The following GXYLT1 variants were observed in gnomAD, a reference collection of about 807,000 sequenced individuals.
GXYLT1 encodes glycosyltransferase 8 domain containing 3.
Under a neutral mutation model 54.0 loss-of-function variants are expected in GXYLT1, and 29 were observed. The observed-to-expected ratio is 0.54, with a 90% CI of 0.40 to 0.73. The LOEUF is 0.73. Among genes scored for constraint, GXYLT1 ranks in the 30% least tolerant of loss-of-function variants. The probability of loss-of-function intolerance (pLI) is 0.00; values close to 1 mark genes in which losing one functional copy is unlikely to be tolerated. For synonymous variants in GXYLT1, 176 were observed against 204.1 expected (o/e 0.86, Z 1.17); for missense variants, 490 against 553.4 (o/e 0.89, Z 1.15).
rs749430331 is a variant in GXYLT1 at position 42,119,004 on chromosome 12, C to A, written c.482G>T (p.Gly161Val). 2.5e-6 allele frequency: 4 copies of A among 1,611,704 alleles called. No individual in the cohort carries two copies. Among genetic ancestry groups the A allele is most frequent in the Middle Eastern group, 1.6e-4 (1 of 6,070 alleles). Residue 161 changes from glycine to valine, a missense_variant, in exon 3 of 8, where the codon GGC (glycine) becomes GTC (valine). By Grantham distance (109) the Gly-to-Val change is moderately radical. Around this residue, in one of 2 missense-constraint regions of GXYLT1, gnomAD observed 342 missense variants for 342.6 expected, o/e 1.00. Coordinates refer to ENST00000398675, the MANE Select transcript of GXYLT1 (RefSeq NM_173601.2). ...GACTATGTCTCAAATACTTACTCTG[C>A]CTTTAAAGCTATGATGTAGCTGATC... is the stretch of plus-strand genomic sequence containing the variant. ...AEDQLHHSFK[G>V]RLDNWSFLQT... is the part of the protein sequence containing the mutation.
chr12:42,096,225 C>A (rs1191730972), intron 7 of GXYLT1, among the ~76,000 whole-genome samples: 1 of 152,096 alleles, frequency 6.6e-6, no homozygotes, highest in African/African-American at 2.4e-5. Flanking sequence ...GCAATGAGAC[C>A]CTGGTAGCAA....
At chr12:42,114,675 A>C (rs1303726665) in intron 3 of GXYLT1, among the ~76,000 whole-genome samples, 2 of 152,218 alleles carry the variant, frequency 1.3e-5, no homozygotes. Flanking sequence ...GACCAGATGG[A>C]TTCACAGCCG....
rs2065299563 is a variant in GXYLT1, at chr12:42,087,287, C to T, written c.*499G>A. On this transcript the variant is annotated 3_prime_UTR_variant, in exon 8 of 8. Transcript: ENST00000398675. The stretch of plus-strand genomic sequence containing the variant: ...CAGAGATGAAATGTATAAAGGCACA[C>T]ATAGATTGTCAATGGTTACATCAGT... 6.6e-6 allele frequency: 1 copy of T among 152,636 alleles called. No individual in the cohort carries two copies. Among genetic ancestry groups the T allele is most frequent in the Admixed American group, 6.5e-5 (1 of 15,286 alleles). 9.5% of individuals were successfully genotyped at this position (152,636 alleles called of 1,614,324 possible).
At chr12:42,093,973 T>TG (rs1160551890) in intron 7 of GXYLT1, among the ~76,000 whole-genome samples, 2 of 151,566 alleles carry the variant, frequency 1.3e-5, no homozygotes, top group Admixed American at 1.3e-4. Context: ...ATGTAATAAA[T>TG]GAAACAGCAT....
At position 42,109,550 on chromosome 12, in the gene GXYLT1, A is replaced by G; in HGVS notation, c.612+16T>C. 6.9e-7 allele frequency: 1 copy of G among 1,444,034 alleles called. No individual in the cohort carries two copies. The highest frequency in any genetic ancestry group is 1.5e-5 in the South Asian group (1 of 65,630). The allele number at this position is 1,444,034 out of a possible 1,614,324, so 89.5% of individuals were successfully genotyped here. ...AAAAAAAAAAAAAAAAAAAGACACT[A>G]GGGGAAAAAACTTACCGGCAAGAAC... On this transcript the variant is annotated intron_variant, in intron 4 of 7. Transcript: ENST00000398675.
intron 1 of GXYLT1, among the ~76,000 whole-genome samples, chr12:42,143,296 C>G (rs931380129): frequency 6.6e-6 from 1 of 152,162 alleles, no homozygotes; most frequent in Non-Finnish European, 1.5e-5. Flanking sequence ...TTTTCACGAG[C>G]TCATTCAAGT....
Position 42,144,732 on chromosome 12 carries a change from G to A in GXYLT1, c.-86C>T. ...GAGGGAGGGGCACCGCGCAGCCGCG[G>A]GCGCAACAAGTTCCTCACCCGCAGC... On this transcript the variant is annotated 5_prime_UTR_variant, in exon 1 of 8. Coordinates refer to ENST00000398675, the MANE Select transcript of GXYLT1 (RefSeq NM_173601.2). 32 of 1,081,008 alleles carry A rather than the reference G, an allele frequency of 3.0e-5. No homozygotes were observed. Among genetic ancestry groups the A allele is most frequent in the Non-Finnish European group, 3.7e-5 (31 of 832,110 alleles). The allele number at this position is 1,081,008 out of a possible 1,614,324, so 67.0% of individuals were successfully genotyped here.
chr12:42,105,715 T>A, intron 5 of GXYLT1, 103 bp downstream of exon 5: 1 of 750,786 alleles, frequency 1.3e-6, no homozygotes, highest in East Asian at 2.8e-5. Context: ...AATAGAAAAA[T>A]TATTTATAGT....
At chr12:42,088,008 C>A (rs2065307164) in intron 7 of GXYLT1, 61 bp from the exon 8 acceptor site, 1 of 752,540 alleles carries the variant, frequency 1.3e-6, no homozygotes, top group African/African-American at 1.8e-5. Flanking sequence ...TATGTAAGTT[C>A]AATTATTTTC....
At chr12:42,130,032 T>G (rs1348605976) in intron 1 of GXYLT1, among the ~76,000 whole-genome samples, 181 bp from the exon 2 acceptor site, 1 of 152,256 alleles carries the variant, frequency 6.6e-6, no homozygotes, top group Non-Finnish European at 1.5e-5. Context: ...GGCACCATTA[T>G]TTTAAATAGA....
chr12:42,112,331 ATCAAACTACT>A (rs1472946396), intron 3 of GXYLT1, among the ~76,000 whole-genome samples: 1 of 152,216 alleles, frequency 6.6e-6, no homozygotes, highest in Non-Finnish European at 1.5e-5. Flanking sequence ...GCTTCAGAAG[ATCAAACTACT>A]CCAAGCTACA....
chr12:42,133,008 C>T lies in GXYLT1; in HGVS notation c.222-3157G>A, dbSNP rs561937393. Among the ~76,000 whole-genome samples the T allele has an allele frequency of 1.1e-4, 17 of 152,160 alleles. No individual in the cohort carries two copies. The South Asian group carries it at 2.9e-3, about 26-fold the overall frequency. On this transcript the variant is annotated intron_variant, in intron 1 of 7. Coordinates refer to ENST00000398675, the MANE Select transcript of GXYLT1 (RefSeq NM_173601.2). Reference sequence around the variant, plus strand: ...CTATTAATAAGTAGGATCTGCTGCACGCAGTGGTTCATGCCTCTAATCCCA... The same window carrying T: ...CTATTAATAAGTAGGATCTGCTGCATGCAGTGGTTCATGCCTCTAATCCCA...
Position 42,085,516 on chromosome 12 carries a change from T to A in GXYLT1, c.*2270A>T, listed in dbSNP as rs1275069670. ...AAATGCTTCCTCTAATATTTCAAAA[T>A]CACATTTATAATCCACCAAACGTGC... On this transcript the variant is annotated 3_prime_UTR_variant, in exon 8 of 8. Transcript: ENST00000398675. 1 of 152,202 alleles carries A rather than the reference T, an allele frequency of 6.6e-6. No individual in the cohort carries two copies. The highest frequency in any genetic ancestry group is 2.4e-5 in the African/African-American group (1 of 41,456). The allele number at this position is 152,202 out of a possible 1,614,324, so 9.4% of individuals were successfully genotyped here.
intron 5 of GXYLT1, among the ~76,000 whole-genome samples, chr12:42,101,462 T>G (rs1170501792): frequency 2.0e-5 from 3 of 152,202 alleles, no homozygotes; most frequent in Non-Finnish European, 4.4e-5. Flanking sequence ...TGTGATTATG[T>G]GTAATGACAT....
chr12:42,118,251 A>T (rs1350669650), intron 3 of GXYLT1, among the ~76,000 whole-genome samples: 1 of 152,230 alleles, frequency 6.6e-6, no homozygotes, highest in Non-Finnish European at 1.5e-5. Context: ...CATATTATTA[A>T]TCAAGAATTC....
intron 3 of GXYLT1, among the ~76,000 whole-genome samples, chr12:42,115,628 A>G (rs1198597935): frequency 6.6e-6 from 1 of 152,096 alleles, no homozygotes; most frequent in Non-Finnish European, 1.5e-5. Flanking sequence ...ATGAAATAAA[A>G]GAGGATACAA....
At position 42,103,350 on chromosome 12, in the gene GXYLT1, T is replaced by C. The variant is rs117498770; in HGVS notation, c.864+2468A>G. Among the ~76,000 whole-genome samples the C allele has an allele frequency of 4.8e-3, 736 of 152,268 alleles. 29 individuals are homozygous for C. In the East Asian group the frequency reaches 0.075, roughly 15 times the overall value. ...AAGAACCAGGTGACAGCAAGGCAAA[T>C]AAATAAACTATGACCTTTGTCCTAA... On this transcript the variant is annotated intron_variant, in intron 5 of 7. Coordinates refer to ENST00000398675, the MANE Select transcript of GXYLT1 (RefSeq NM_173601.2).
rs2065499807 is a variant in GXYLT1, at chr12:42,117,019, A to G, written c.486+1981T>C. Among the ~76,000 whole-genome samples the G allele has an allele frequency of 1.3e-5, 2 of 151,240 alleles. 1 individual carries two copies. The highest frequency in any genetic ancestry group is 4.2e-4 in the South Asian group (2 of 4,744). On this transcript the variant is annotated intron_variant, in intron 3 of 7. Coordinates refer to ENST00000398675, the MANE Select transcript of GXYLT1 (RefSeq NM_173601.2). ...TGGAAACCATCATTCTCAGCAAACT[A>G]TCACAAGGACAAAAAACCAAACACC...
chr12:42,084,083 G>GC lies in GXYLT1; in HGVS notation c.*3702dup. Reference sequence around the variant, plus strand: ...CAAACCAAATACAGCAGGCCCTGCTGCCCCATTCCATGGAAGTCAGCACCT... The same window carrying GC: ...CAAACCAAATACAGCAGGCCCTGCTGCCCCCATTCCATGGAAGTCAGCACCT... On this transcript the variant is annotated 3_prime_UTR_variant, in exon 8 of 8. Coordinates refer to ENST00000398675, the MANE Select transcript of GXYLT1 (RefSeq NM_173601.2). 1 of 152,100 alleles carries GC rather than the reference G, an allele frequency of 6.6e-6. No individual in the cohort carries two copies. The highest frequency in any genetic ancestry group is 1.5e-5 in the Non-Finnish European group (1 of 68,050). The allele number at this position is 152,100 out of a possible 1,614,324, so 9.4% of individuals were successfully genotyped here. A position where few individuals can be genotyped will look rare whatever the true frequency, so the allele number is the denominator to read the frequency against.
Sources: allele counts gnomAD v4.1 joint callset (sites outside exome capture counted in the v4.1 genomes callset), GRCh38; gene constraint gnomAD v4.1.1; regional missense constraint gnomAD v4.1.1; transcripts MANE v1.5; gene names NCBI Gene and HGNC (gene_info 2026-07-23, HGNC 2026-07-21).